The following RSPO2 variants were observed in gnomAD, a reference collection of about 807,000 sequenced individuals.
RSPO2 encodes the protein R-spondin-2.
Under a neutral mutation model 30.9 loss-of-function variants are expected in RSPO2, and 14 were observed. The observed-to-expected ratio is 0.45, with a 90% confidence interval of 0.30 to 0.71. RSPO2 has a LOEUF of 0.71. RSPO2 is among the 30% of genes least tolerant of loss of function. RSPO2 has a pLI of 0.08. For missense variants in RSPO2, 264 were observed against 301.9 expected, an observed-to-expected ratio of 0.87 and a Z score of 0.93; for synonymous variants, 107 against 96.4, an observed-to-expected ratio of 1.11 and a Z score of -0.64.
At chr8:108,067,230 G>T (rs922247769) in intron 2 of RSPO2, among the ~76,000 whole-genome samples, 1 of 152,156 alleles carries the variant, frequency 6.6e-6, no homozygotes, top group African/African-American at 2.4e-5. Context: ...GCTGATTCAA[G>T]CATAGCCACT....
At chr8:107,969,145 A>G (rs1188559839) in intron 3 of RSPO2, among the ~76,000 whole-genome samples, 1 of 152,128 alleles carries the variant, frequency 6.6e-6, no homozygotes, top group Non-Finnish European at 1.5e-5. Context: ...CATCAGATAA[A>G]AAGGGGGAAA....
At chr8:107,937,307 T>A (rs1812751757) in intron 5 of RSPO2, among the ~76,000 whole-genome samples, 1 of 152,146 alleles carries the variant, frequency 6.6e-6, no homozygotes, top group Non-Finnish European at 1.5e-5. Context: ...TATCTGTAAG[T>A]CTGTGGATTT....
At chr8:108,024,440 A>T (rs183618700) in intron 2 of RSPO2, among the ~76,000 whole-genome samples, 1 of 152,308 alleles carries the variant, frequency 6.6e-6, no homozygotes, top group Admixed American at 6.5e-5. Flanking sequence ...TTAAGTAAAA[A>T]AAAAAAGCTC....
chr8:108,053,334 AAC>A (rs1491069999), intron 2 of RSPO2, among the ~76,000 whole-genome samples: 11 of 152,324 alleles, frequency 7.2e-5, no homozygotes, highest in African/African-American at 2.4e-4. Flanking sequence ...AGAAATTAAA[AAC>A]AGATTCTCTT....
At chr8:108,057,358 G>C (rs775300163) in intron 2 of RSPO2, among the ~76,000 whole-genome samples, 4 of 152,040 alleles carry the variant, frequency 2.6e-5, no homozygotes, top group Non-Finnish European at 5.9e-5. Flanking sequence ...TGAGTAGAAA[G>C]GTTATTGGTA....
At chr8:107,981,542 A>G (rs79528273) in intron 3 of RSPO2, among the ~76,000 whole-genome samples, 3 of 151,178 alleles carry the variant, frequency 2.0e-5, no homozygotes, top group Non-Finnish European at 3.0e-5. Flanking sequence ...AAAGAAAGAC[A>G]AGAAAACAGG....
At chr8:107,972,889 G>T (rs1449623098) in intron 3 of RSPO2, among the ~76,000 whole-genome samples, 1 of 152,124 alleles carries the variant, frequency 6.6e-6, no homozygotes, top group Non-Finnish European at 1.5e-5. Flanking sequence ...TTAGAGATAG[G>T]ATTTACCATA....
chr8:107,901,047 C>A lies in RSPO2; in HGVS notation c.*28G>T, dbSNP rs1050016999. ...TTGTGCACATTTGCAAAAACAAAAACCCCTAAAAATCTACCGGATCTCTTG... is the reference window on the plus strand; with the variant it reads ...TTGTGCACATTTGCAAAAACAAAAAACCCTAAAAATCTACCGGATCTCTTG... On this transcript the variant is annotated 3_prime_UTR_variant, in exon 6 of 6. Transcript: ENST00000276659. 1 of 1,609,024 alleles carries A rather than the reference C, an allele frequency of 6.2e-7. No individual in the cohort carries two copies. The highest frequency in any genetic ancestry group is 2.2e-5 in the East Asian group (1 of 44,844).
At chr8:108,027,422 T>G (rs934728196) in intron 2 of RSPO2, among the ~76,000 whole-genome samples, 1 of 152,200 alleles carries the variant, frequency 6.6e-6, no homozygotes, top group African/African-American at 2.4e-5. Context: ...AAATGAAGTA[T>G]CTATCTGGTA....
intron 2 of RSPO2, among the ~76,000 whole-genome samples, chr8:108,050,246 C>T (rs750956622): frequency 6.6e-6 from 1 of 152,072 alleles, no homozygotes; most frequent in South Asian, 2.1e-4. Flanking sequence ...CTAGAAAAAG[C>T]CTCCCAGTGA....
chr8:107,972,339 T>C (rs1388490503), intron 3 of RSPO2, among the ~76,000 whole-genome samples: 1 of 152,032 alleles, frequency 6.6e-6, no homozygotes, highest in Admixed American at 6.6e-5. Context: ...AGAGATGGCG[T>C]TTCATCACAT....
At chr8:108,082,263 A>C (rs1163170362) in intron 2 of RSPO2, among the ~76,000 whole-genome samples, 3 of 152,132 alleles carry the variant, frequency 2.0e-5, no homozygotes, top group Non-Finnish European at 4.4e-5. Flanking sequence ...TGGGGCGGCG[A>C]ACATGAGTGC....
intron 5 of RSPO2, among the ~76,000 whole-genome samples, chr8:107,929,401 G>A (rs746973355): frequency 6.6e-6 from 1 of 152,172 alleles, no homozygotes; most frequent in Non-Finnish European, 1.5e-5. Flanking sequence ...CCAATGGCAA[G>A]TTACATGCCC....
chr8:107,937,615 G>GAA (rs34321211), intron 5 of RSPO2, among the ~76,000 whole-genome samples: 15,669 of 145,994 alleles, frequency 0.11, 926 homozygotes, highest in South Asian at 0.17. Flanking sequence ...TCATTTGAAG[G>GAA]AAAAAAAAAA....
intron 2 of RSPO2, among the ~76,000 whole-genome samples, chr8:108,037,433 G>A (rs1051475911): frequency 1.3e-5 from 2 of 152,160 alleles, no homozygotes; most frequent in Non-Finnish European, 2.9e-5. Flanking sequence ...AGCAGAGGTT[G>A]GTTCATGAGG....
At chr8:107,960,409 T>A (rs1813587563) in intron 4 of RSPO2, among the ~76,000 whole-genome samples, 1 of 152,146 alleles carries the variant, frequency 6.6e-6, no homozygotes, top group South Asian at 2.1e-4. Context: ...AAGAAATTGA[T>A]GTATTACACG....
chr8:108,019,384 A>T (rs1289904164), intron 2 of RSPO2, among the ~76,000 whole-genome samples: 1 of 152,080 alleles, frequency 6.6e-6, no homozygotes, highest in Non-Finnish European at 1.5e-5. Flanking sequence ...AGGTAAAAAA[A>T]ATAAAATTCA....
chr8:107,983,045 C>T, intron 3 of RSPO2: 1 of 1,116,888 alleles, frequency 9.0e-7, no homozygotes, highest in African/African-American at 1.6e-5. Context: ...GTGTCACGCT[C>T]CCCTGCAGTC....
chr8:107,948,935 C>A (rs867606612), intron 5 of RSPO2, among the ~76,000 whole-genome samples: 1 of 149,636 alleles, frequency 6.7e-6, no homozygotes, highest in African/African-American at 2.4e-5. Flanking sequence ...TGAAGAGTAA[C>A]TGCCCCCTGC....
Sources: allele counts gnomAD v4.1 joint callset (sites outside exome capture counted in the v4.1 genomes callset), GRCh38; gene constraint gnomAD v4.1.1; transcripts MANE v1.5; gene names NCBI Gene and HGNC (gene_info 2026-07-23, HGNC 2026-07-21).